TDRKH: variants seen among roughly 807,000 people sequenced by gnomAD.
TDRKH encodes tudor and KH domain containing.
TDRKH carries 28 observed loss-of-function variants against 61.3 expected under a neutral mutation model. The observed-to-expected ratio is 0.46, with a 90% CI of 0.34 to 0.63. The LOEUF (loss-of-function observed/expected upper bound fraction) is 0.63, where lower values mean the gene tolerates loss of function less well. Among genes scored for constraint, TDRKH ranks in the 20% least tolerant of loss-of-function variants. The probability of loss-of-function intolerance (pLI) is 0.01; values close to 1 mark genes in which losing one functional copy is unlikely to be tolerated. For synonymous variants in TDRKH, 219 were observed against 244.4 expected (o/e 0.90, Z 0.97); for missense variants, 540 against 683.4 (o/e 0.79, Z 2.34).
rs1378264219 is a variant in TDRKH at position 151,780,056 on chromosome 1, C to T, written c.316G>A (p.Val106Ile). ...ERVLLISGFPVQVCKAKAAIH... is the reference protein window; with the variant it reads ...ERVLLISGFPIQVCKAKAAIH... ...GCTGCTTTGGCCTTGCACACCTGAA[C>T]AGGAAAACCACTGATAAGCAGCACT... The change falls in exon 4 of 13, where the codon GTT becomes ATT. Residue 106 changes from valine to isoleucine, a missense_variant. This residue lies in a region of TDRKH where 156 missense variants were observed against 218.0 expected (regional missense o/e 0.72). Transcript: ENST00000368824. 1.2e-6 allele frequency: 2 copies of T among 1,614,210 alleles called. No homozygotes were observed. The highest frequency in any genetic ancestry group is 8.5e-7 in the Non-Finnish European group (1 of 1,180,036).
chr1:151,780,203 G>A, intron 3 of TDRKH, 63 bp from the exon 4 acceptor site: 2 of 1,561,910 alleles, frequency 1.3e-6, no homozygotes, highest in East Asian at 4.5e-5. Context: ...CCCAGCTACA[G>A]ACACTCTAAA....
chr1:151,779,232 GC>G lies in TDRKH; in HGVS notation c.431del (p.Gly144AlafsTer31). The G allele has an allele frequency of 1.2e-6, 2 of 1,613,948 alleles. No individual in the cohort carries two copies. Among genetic ancestry groups the G allele is most frequent in the Non-Finnish European group, 1.7e-6 (2 of 1,180,002 alleles). The stretch of plus-strand genomic sequence containing the variant: ...CCTTACAGATAGAACGAATTGTCTC[GC>G]CGCCTCTCCCTACATTAAACAATAT... Reference protein sequence around the residue: ...RSVGRIIGRGGETIRSICKAS... With the variant: ...RSVGRIIGRGXETIRSICKAS... On this transcript the variant is annotated frameshift_variant, in exon 5 of 13. Coordinates refer to ENST00000368824, the MANE Select transcript of TDRKH (RefSeq NM_001083965.2). LOFTEE classifies it high-confidence loss of function.
intron 3 of TDRKH, among the ~76,000 whole-genome samples, chr1:151,780,849 CAAA>C (rs71789262): frequency 8.1e-5 from 7 of 86,198 alleles, no homozygotes; most frequent in Non-Finnish European, 4.9e-5. Context: ...GACTCTGTCT[CAAA>C]AAAAAAAAAA....
chr1:151,771,288 T>C (rs1648693708), downstream of TDRKH: 1 of 1,574,154 alleles, frequency 6.4e-7, no homozygotes, highest in African/African-American at 1.4e-5. Context: ...CGGGATGTGA[T>C]TCAGGACACT....
chr1:151,783,117 T>C, intron 1 of TDRKH, 68 bp from the exon 2 acceptor site: 1 of 1,451,408 alleles, frequency 6.9e-7, no homozygotes, highest in Non-Finnish European at 9.3e-7. Flanking sequence ...CAGAGAGGCA[T>C]GGGAGCACAT....
At chr1:151,782,076 C>A (rs568318311) in intron 2 of TDRKH, 189 of 434,868 alleles carry the variant, frequency 4.3e-4, no homozygotes, top group South Asian at 3.1e-3. Flanking sequence ...AAAAAGAACT[C>A]TTTGCTGTGT....
At position 151,773,713 on chromosome 1, in the gene TDRKH, A is replaced by T. The variant is rs1571979458; in HGVS notation, c.*739T>A. ...CAGTTTCAAAAGCCTGTCTCCAATA[A>T]CATATCAGCAATTGAGGCTGGGAGG... On this transcript the variant is annotated 3_prime_UTR_variant, in exon 13 of 13. Coordinates refer to ENST00000368824, the MANE Select transcript of TDRKH (RefSeq NM_001083965.2). The T allele has an allele frequency of 1.3e-5, 2 of 152,222 alleles. No homozygotes were observed. Among genetic ancestry groups the T allele is most frequent in the Admixed American group, 1.3e-4 (2 of 15,282 alleles). 9.4% of individuals were successfully genotyped at this position (152,222 alleles called of 1,614,324 possible).
downstream of TDRKH, chr1:151,767,040 G>A: frequency 6.9e-7 from 1 of 1,451,864 alleles, no homozygotes; most frequent in Non-Finnish European, 9.4e-7. Flanking sequence ...ATCTGGTTGG[G>A]CCCAGGAACA....
chr1:151,772,939 C>A (rs1204416090), downstream of TDRKH, among the ~76,000 whole-genome samples: 1 of 152,218 alleles, frequency 6.6e-6, no homozygotes, highest in Non-Finnish European at 1.5e-5. Flanking sequence ...TCTGGGTTCA[C>A]TGCAACCTCC....
At chr1:151,770,212 G>A (rs1303734325), downstream of TDRKH, 2 of 1,613,798 alleles carry the variant, frequency 1.2e-6, no homozygotes, top group African/African-American at 1.3e-5. Flanking sequence ...GAAGACAAAT[G>A]TGGACTCTGT....
chr1:151,780,171 T>C, intron 3 of TDRKH, 31 bp from the exon 4 acceptor site: 1 of 1,595,610 alleles, frequency 6.3e-7, no homozygotes, highest in Non-Finnish European at 8.6e-7. Flanking sequence ...GGCAGTACAT[T>C]CTGGAAGAGC....
At chr1:151,776,294 CAG>C (rs1211717816) in intron 7 of TDRKH, 26 bp from the exon 8 acceptor site, 1 of 1,608,236 alleles carries the variant, frequency 6.2e-7, no homozygotes, top group African/African-American at 1.3e-5. Context: ...AGGAGAAAGG[CAG>C]AGAGTTACAA....
At chr1:151,786,034 G>A (rs560813367) in intron 1 of TDRKH, among the ~76,000 whole-genome samples, 1 of 152,228 alleles carries the variant, frequency 6.6e-6, no homozygotes, top group South Asian at 2.1e-4. Flanking sequence ...AAACAAAAAT[G>A]TATTTCACCC....
downstream of TDRKH, among the ~76,000 whole-genome samples, chr1:151,772,691 G>T (rs1378527891): frequency 6.6e-6 from 1 of 152,096 alleles, no homozygotes; most frequent in African/African-American, 2.4e-5. Flanking sequence ...GATGCTATAA[G>T]GAAACACGTT....
In TDRKH at chr1:151,781,373, C is replaced by T. The variant is rs1386833512; in HGVS notation, c.231+108G>A. On this transcript the variant is annotated intron_variant, in intron 3 of 12. Coordinates refer to ENST00000368824, the MANE Select transcript of TDRKH (RefSeq NM_001083965.2). ...ATATATACACACACACATACACACA[C>T]ACACAGAGCATGTGAATGTTTTGTG... 15 of 622,060 alleles carry T rather than the reference C, an allele frequency of 2.4e-5. No homozygotes were observed. The Middle Eastern group carries it at 1.3e-3, about 55-fold the overall frequency. The allele number at this position is 622,060 out of a possible 1,614,324, so 38.5% of individuals were successfully genotyped here. A position where few individuals can be genotyped will look rare whatever the true frequency, so the allele number is the denominator to read the frequency against.
chr1:151,772,661 C>CCTCA (rs1648786578), downstream of TDRKH, among the ~76,000 whole-genome samples: 1 of 152,102 alleles, frequency 6.6e-6, no homozygotes, highest in Admixed American at 6.5e-5. Flanking sequence ...CGCATTTGAG[C>CCTCA]CTCACAGTAC....
chr1:151,775,437 G>C lies in TDRKH; in HGVS notation c.1389C>G (p.Ile463Met), dbSNP rs1466163746. The change falls in exon 10 of 13, where the codon ATC (isoleucine) becomes ATG (methionine). Residue 463 changes from isoleucine to methionine, a missense_variant. By Grantham distance (10) the Ile-to-Met change is conservative. This residue lies in a region of TDRKH where 379 missense variants were observed against 443.8 expected (regional missense o/e 0.85). Transcript: ENST00000368824. Reference sequence around the variant, plus strand: ...ATAAGTAGATCTTTGGCCAAGTTGAGATCCCAGTCTGGACATAGCTAGAGA... The same window carrying C: ...ATAAGTAGATCTTTGGCCAAGTTGACATCCCAGTCTGGACATAGCTAGAGA... Reference protein sequence around the residue: ...AKISSYVQTGISTWPKIYLYD... With the variant: ...AKISSYVQTGMSTWPKIYLYD... The C allele has an allele frequency of 3.1e-6, 5 of 1,614,116 alleles. No individual in the cohort carries two copies. Among genetic ancestry groups the C allele is most frequent in the Non-Finnish European group, 4.2e-6 (5 of 1,180,020 alleles).
At chr1:151,772,901 T>A (rs189154218), downstream of TDRKH, among the ~76,000 whole-genome samples, 449 of 152,278 alleles carry the variant, frequency 2.9e-3, 2 homozygotes, top group Non-Finnish European at 5.1e-3. Flanking sequence ...AATTTTTTTT[T>A]ATGAGACAAG....
At chr1:151,784,300 GT>G (rs1650111481) in intron 1 of TDRKH, among the ~76,000 whole-genome samples, 1 of 152,182 alleles carries the variant, frequency 6.6e-6, no homozygotes, top group Non-Finnish European at 1.5e-5. Context: ...CTACTGGATA[GT>G]CCCATCAGCA....
Sources: allele counts gnomAD v4.1 joint callset (sites outside exome capture counted in the v4.1 genomes callset), GRCh38; gene constraint gnomAD v4.1.1; regional missense constraint gnomAD v4.1.1; transcripts MANE v1.5; gene names NCBI Gene and HGNC (gene_info 2026-07-23, HGNC 2026-07-21).